Variants in GAS2 observed in about 807,000 individuals in gnomAD.
GAS2 encodes the protein growth arrest specific 2.
In GAS2, 20 loss-of-function variants were observed where a neutral mutation model predicts 37.5. The ratio of observed to expected loss-of-function variants is 0.53; its 90% confidence interval spans 0.37 to 0.77. The LOEUF is 0.77. GAS2 is among the 30% of genes least tolerant of loss of function. The probability of loss-of-function intolerance (pLI) is 0.00; values close to 1 mark genes in which losing one functional copy is unlikely to be tolerated. For missense variants in GAS2, 336 were observed against 373.4 expected, an observed-to-expected ratio of 0.90 and a Z score of 0.82; for synonymous variants, 144 against 132.2, an observed-to-expected ratio of 1.09 and a Z score of -0.61.
chr11:22,783,417 C>G (rs574118206), intron 7 of GAS2, among the ~76,000 whole-genome samples: 1 of 152,266 alleles, frequency 6.6e-6, no homozygotes, highest in African/African-American at 2.4e-5. Flanking sequence ...TTGATAGTTT[C>G]TCTTCTTTCG....
intron 6 of GAS2, among the ~76,000 whole-genome samples, chr11:22,752,834 G>C (rs1320553186): frequency 6.6e-6 from 1 of 152,032 alleles, no homozygotes; most frequent in Admixed American, 6.6e-5. Context: ...TTGATACTTA[G>C]GGGAATAGTG....
intron 7 of GAS2, among the ~76,000 whole-genome samples, chr11:22,772,532 A>T (rs997081701): frequency 6.6e-6 from 1 of 152,122 alleles, no homozygotes; most frequent in Admixed American, 6.5e-5. Flanking sequence ...AATAATTCTT[A>T]TTTTGGAATA....
chr11:22,676,185 C>T (rs1849419210), intron 2 of GAS2, among the ~76,000 whole-genome samples: 1 of 152,066 alleles, frequency 6.6e-6, no homozygotes, highest in Non-Finnish European at 1.5e-5. Context: ...CCTAGAAAGA[C>T]CCTTCACAGT....
intron 1 of GAS2, among the ~76,000 whole-genome samples, chr11:22,640,794 T>C (rs1190138424): frequency 6.6e-6 from 1 of 152,174 alleles, no homozygotes. Context: ...TAAATGCTCT[T>C]TGGTTGACTG....
chr11:22,674,082 T>C (rs1173542412), intron 1 of GAS2, among the ~76,000 whole-genome samples: 4 of 152,236 alleles, frequency 2.6e-5, no homozygotes, highest in African/African-American at 9.6e-5. Context: ...GGTTCTTGGC[T>C]ATTCCATTTT....
At chr11:22,768,304 T>C (rs1166051676) in intron 7 of GAS2, among the ~76,000 whole-genome samples, 2 of 152,202 alleles carry the variant, frequency 1.3e-5, no homozygotes, top group Non-Finnish European at 2.9e-5. Flanking sequence ...ACAAAAGCCC[T>C]GGCAAGGTAT....
At chr11:22,673,619 A>G (rs10766961) in intron 1 of GAS2, among the ~76,000 whole-genome samples, 95,126 of 152,092 alleles carry the variant, frequency 0.63, 30,953 homozygotes, top group East Asian at 0.83. Flanking sequence ...AAAGTGCTAT[A>G]TTCTGTCCGG....
intron 3 of GAS2, among the ~76,000 whole-genome samples, chr11:22,694,601 C>T (rs1850407419): frequency 6.6e-6 from 1 of 152,122 alleles, no homozygotes; most frequent in Admixed American, 6.6e-5. Flanking sequence ...GTTCTAATTC[C>T]TTTATCTATA....
At chr11:22,730,839 A>T (rs986422729) in intron 4 of GAS2, among the ~76,000 whole-genome samples, 2 of 151,760 alleles carry the variant, frequency 1.3e-5, no homozygotes, top group Non-Finnish European at 3.0e-5. Flanking sequence ...TGTAAAAGTT[A>T]TTGGACTGTA....
intron 1 of GAS2, chr11:22,626,688 A>C (rs537842879): frequency 1.3e-5 from 2 of 152,348 alleles, no homozygotes; most frequent in East Asian, 3.9e-4. Flanking sequence ...TTCATAATAT[A>C]GTAATTCATT....
Position 22,777,711 on chromosome 11 carries a change from T to C in GAS2, c.723+21758T>C, listed in dbSNP as rs114198877. On this transcript the variant is annotated intron_variant, in intron 7 of 7. Coordinates refer to ENST00000454584, the MANE Select transcript of GAS2 (RefSeq NM_001143830.3). ...ATTATGTAGAGAATTCCAGCAGGAA[T>C]AATGTAAGAAAGGTAGGTTGGGGGC... Among the ~76,000 whole-genome samples the C allele has an allele frequency of 3.4e-3, 515 of 152,236 alleles. 2 individuals are homozygous for C. The highest frequency in any genetic ancestry group is 0.012 in the African/African-American group (489 of 41,546).
upstream of GAS2, among the ~76,000 whole-genome samples, chr11:22,665,021 G>C (rs903735953): frequency 6.6e-6 from 1 of 151,874 alleles, no homozygotes; most frequent in Non-Finnish European, 1.5e-5. Flanking sequence ...AAAAATACCT[G>C]GAAGAAATGA....
chr11:22,800,550 GA>G (rs918694610), intron 7 of GAS2, among the ~76,000 whole-genome samples: 4 of 152,012 alleles, frequency 2.6e-5, no homozygotes, highest in African/African-American at 4.8e-5. Context: ...ACATCCTGCT[GA>G]AAAGCGTTCA....
intron 6 of GAS2, among the ~76,000 whole-genome samples, chr11:22,754,423 A>G (rs4923022): frequency 0.18 from 27,246 of 151,968 alleles, 2,642 homozygotes; most frequent in East Asian, 0.37. Context: ...GCCAAAAGCC[A>G]TAGGTTTATA....
At chr11:22,646,346 T>G (rs1377088636) in intron 1 of GAS2, among the ~76,000 whole-genome samples, 2 of 152,336 alleles carry the variant, frequency 1.3e-5, no homozygotes, top group Non-Finnish European at 2.9e-5. Context: ...GTCTTTACAG[T>G]GTGCTTTAGG....
intron 7 of GAS2, among the ~76,000 whole-genome samples, chr11:22,758,101 A>G (rs1202941368): frequency 1.3e-5 from 2 of 152,168 alleles, no homozygotes; most frequent in South Asian, 4.1e-4. Context: ...TTACTAATGT[A>G]AGGAACTGGC....
chr11:22,735,679 A>G (rs570458939), intron 4 of GAS2, among the ~76,000 whole-genome samples: 25 of 152,022 alleles, frequency 1.6e-4, no homozygotes, highest in African/African-American at 6.0e-4. Flanking sequence ...TTCAGAATGA[A>G]TTTGATTTTC....
At chr11:22,797,732 A>G (rs1037029180) in intron 7 of GAS2, among the ~76,000 whole-genome samples, 13 of 152,078 alleles carry the variant, frequency 8.5e-5, no homozygotes, top group African/African-American at 3.1e-4. Context: ...ATAAGATTTC[A>G]TTTTTGAATG....
At chr11:22,654,657 AAGTGAT>A (rs1848835796) in intron 1 of GAS2, among the ~76,000 whole-genome samples, 1 of 152,190 alleles carries the variant, frequency 6.6e-6, no homozygotes, top group African/African-American at 2.4e-5. Context: ...TGGCCTCCCA[AAGTGAT>A]AGAATTACAA....
Sources: allele counts gnomAD v4.1 joint callset (sites outside exome capture counted in the v4.1 genomes callset), GRCh38; gene constraint gnomAD v4.1.1; transcripts MANE v1.5; gene names NCBI Gene and HGNC (gene_info 2026-07-23, HGNC 2026-07-21).